HDHD5: variants seen among roughly 807,000 people sequenced by gnomAD.
HDHD5 encodes the protein haloacid dehalogenase like hydrolase domain containing 5, also known as haloacid dehalogenase-like hydrolase domain-containing 5.
A neutral mutation model predicts 35.5 loss-of-function variants in HDHD5; 34 were observed. The observed-to-expected ratio is 0.96, with a 90% CI of 0.73 to 1.28. HDHD5 has a LOEUF of 1.28. HDHD5 is among the 50% of genes most tolerant of loss of function. HDHD5 has a pLI of 0.00. For missense variants in HDHD5, 589 were observed against 560.2 expected (o/e 1.05, Z -0.52); for synonymous variants, 248 against 240.6 (o/e 1.03, Z -0.29).
intron 1 of HDHD5, among the ~76,000 whole-genome samples, chr22:17,164,435 A>C (rs188406951): frequency 1.2e-4 from 18 of 152,356 alleles, no homozygotes; most frequent in African/African-American, 4.1e-4. Flanking sequence ...TTTCTCTCAC[A>C]TAAACGAAGT....
Position 17,138,624 on chromosome 22 carries a change from A to C in HDHD5, c.861T>G (p.Tyr287Ter), listed in dbSNP as rs762611820. The C allele has an allele frequency of 6.2e-7, 1 of 1,614,228 alleles. No homozygotes were observed. The highest frequency in any genetic ancestry group is 1.7e-5 in the Admixed American group (1 of 60,032). Reference sequence around the variant, plus strand: ...CCTGTCGCCTGATCAGGTCCTCGGCATACTGGTAAGTGAGGATGCTGGGTT... The same window carrying C: ...CCTGTCGCCTGATCAGGTCCTCGGCCTACTGGTAAGTGAGGATGCTGGGTT... Reference protein sequence around the residue: ...MGKPSILTYQYAEDLIRRQAE... With the variant: ...MGKPSILTYQ Residue 287 changes from tyrosine (Y) to a stop codon, truncating the protein, a stop_gained, in exon 7 of 8, where the codon TAT becomes TAG. Transcript: ENST00000336737. LOFTEE classifies it high-confidence loss of function.
intron 1 of HDHD5, among the ~76,000 whole-genome samples, chr22:17,151,929 G>A (rs2061731039): frequency 6.6e-6 from 1 of 152,186 alleles, no homozygotes; most frequent in African/African-American, 2.4e-5. Context: ...AACAAAGGCA[G>A]TTTCTTCAAA....
At chr22:17,159,339 C>A, upstream of HDHD5, 1 of 1,209,116 alleles carries the variant, frequency 8.3e-7, no homozygotes, top group South Asian at 1.5e-5. Context: ...GGTCGGCGCG[C>A]GCGGCATCAC....
chr22:17,152,070 C>A (rs1200398935), intron 1 of HDHD5, among the ~76,000 whole-genome samples: 1 of 152,146 alleles, frequency 6.6e-6, no homozygotes, highest in Non-Finnish European at 1.5e-5. Context: ...GACAATTAGA[C>A]AGGCAGCCCC....
In HDHD5 at chr22:17,138,267, G is replaced by T; in HGVS notation, c.1026C>A (p.Ala342=). The T allele has an allele frequency of 6.2e-7, 1 of 1,614,198 alleles. No homozygotes were observed. Among genetic ancestry groups the T allele is most frequent in the Non-Finnish European group, 8.5e-7 (1 of 1,180,042 alleles). Residue 342 remains alanine (A), a synonymous_variant, in exon 8 of 8, where the codon GCC becomes GCA. Coordinates refer to ENST00000336737, the MANE Select transcript of HDHD5 (RefSeq NM_033070.3). ...AGGGCTGTTGCTGCCGTGTGCCCCC[G>T]GCCCCTAGTTCTGGCGCCCCATCAT... The part of the protein sequence containing the change: ...ATHDGAPELG[A]GGTRQQQPSA...
chr22:17,148,304 A>G, intron 3 of HDHD5, 144 bp downstream of exon 3: 1 of 702,606 alleles, frequency 1.4e-6, no homozygotes, highest in Non-Finnish European at 2.6e-6. Context: ...CACAGTCGGG[A>G]GCTGTCCTCC....
At chr22:17,157,968 T>G (rs1227546438) in intron 1 of HDHD5, among the ~76,000 whole-genome samples, 5 of 152,198 alleles carry the variant, frequency 3.3e-5, no homozygotes, top group Admixed American at 3.3e-4. Flanking sequence ...ATTATACGAA[T>G]AACTGTGAAG....
intron 5 of HDHD5, chr22:17,141,462 A>G (rs977890322): frequency 6.7e-6 from 9 of 1,351,278 alleles, no homozygotes; most frequent in African/African-American, 1.5e-5. Context: ...TTCTGACTTC[A>G]GTCCACCAGT....
chr22:17,138,730 T>C lies in HDHD5; in HGVS notation c.755A>G (p.His252Arg), dbSNP rs2061565018. The change falls in exon 7 of 8, where the codon CAT (histidine) becomes CGT (arginine). Residue 252 changes from histidine to arginine, a missense_variant. By Grantham distance (29) the His-to-Arg change is conservative (BLOSUM62 0). Coordinates refer to ENST00000336737, the MANE Select transcript of HDHD5 (RefSeq NM_033070.3). ...MAEAKMPRFG[H>R]GTFLLCLETI... ...TTCCAGGCACAGCAGAAAGGTGCCATGTCCAAACCTGCCAGAAACGAGCAC... is the reference window on the plus strand; with the variant it reads ...TTCCAGGCACAGCAGAAAGGTGCCACGTCCAAACCTGCCAGAAACGAGCAC... The C allele has an allele frequency of 1.2e-6, 2 of 1,614,092 alleles. No homozygotes were observed. Among genetic ancestry groups the C allele is most frequent in the Admixed American group, 1.7e-5 (1 of 60,002 alleles).
At chr22:17,162,826 C>G (rs1173921247), upstream of HDHD5, among the ~76,000 whole-genome samples, 1 of 152,206 alleles carries the variant, frequency 6.6e-6, no homozygotes, top group Non-Finnish European at 1.5e-5. Flanking sequence ...CCCATCCTGC[C>G]GGATGCACGG....
chr22:17,143,221 G>A (rs1482620343), intron 4 of HDHD5, 90 bp from the exon 5 acceptor site: 5 of 1,415,348 alleles, frequency 3.5e-6, no homozygotes, highest in Non-Finnish European at 2.9e-6. Context: ...TGGGAGGGGA[G>A]GGGAGACACA....
intron 5 of HDHD5, chr22:17,141,531 T>C: frequency 8.3e-7 from 1 of 1,206,770 alleles, no homozygotes; most frequent in Non-Finnish European, 1.0e-6. Context: ...TTCTCCTTGC[T>C]GGCTGGGACT....
intron 6 of HDHD5, among the ~76,000 whole-genome samples, chr22:17,139,264 A>G (rs1237204564): frequency 6.6e-6 from 1 of 152,184 alleles, no homozygotes; most frequent in African/African-American, 2.4e-5. Context: ...GCAGTGGCTC[A>G]TGCCTGTAAT....
chr22:17,138,357 A>G lies in HDHD5; in HGVS notation c.936T>C (p.Gly312=), dbSNP rs748453033. 1.4e-5 allele frequency: 22 copies of G among 1,605,166 alleles called. No homozygotes were observed. The South Asian group carries it at 2.4e-4, about 18-fold the overall frequency. The change falls in exon 8 of 8, where the codon GGT becomes GGC. Residue 312 remains glycine (G), a splice_region_variant and synonymous_variant. Coordinates refer to ENST00000336737, the MANE Select transcript of HDHD5 (RefSeq NM_033070.3). ...AAPIRKLYAV[G]DNPMSDVYGA... ...CGTATACGTCAGACATAGGGTTATC[A>G]CTGGCAGGGGCAGCCACACCGGAAA...
intron 5 of HDHD5, chr22:17,142,428 T>C (rs2061610262): frequency 6.6e-6 from 1 of 152,224 alleles, no homozygotes. Context: ...AAGACTGTAC[T>C]TTGCCTTTTC....
chr22:17,142,971 C>A, intron 5 of HDHD5, 127 bp downstream of exon 5: 1 of 885,198 alleles, frequency 1.1e-6, no homozygotes, highest in South Asian at 1.5e-5. Context: ...GACCAGAGCC[C>A]AGGTGTCCTG....
At chr22:17,145,182 A>G in intron 3 of HDHD5, 65 bp from the exon 4 acceptor site, 1 of 1,600,350 alleles carries the variant, frequency 6.2e-7, no homozygotes, top group Admixed American at 1.7e-5. Context: ...GAATGCATCA[A>G]ATCACAAGTG....
At chr22:17,157,582 G>C (rs546334242) in intron 1 of HDHD5, among the ~76,000 whole-genome samples, 1 of 152,128 alleles carries the variant, frequency 6.6e-6, no homozygotes, top group East Asian at 1.9e-4. Flanking sequence ...GAGACATTTC[G>C]GGACTCTGCA....
chr22:17,141,959 T>A (rs1247435013), intron 5 of HDHD5: 1 of 152,210 alleles, frequency 6.6e-6, no homozygotes, highest in African/African-American at 2.4e-5. Context: ...CAGAGGCAAT[T>A]TTAGTTGTCA....
Sources: allele counts gnomAD v4.1 joint callset (sites outside exome capture counted in the v4.1 genomes callset), GRCh38; gene constraint gnomAD v4.1.1; transcripts MANE v1.5; gene names NCBI Gene and HGNC (gene_info 2026-07-23, HGNC 2026-07-21).